The following TRMT2B variants were observed in gnomAD, a reference collection of about 807,000 sequenced individuals.
TRMT2B encodes tRNA (uracil-5-)-methyltransferase homolog B.
TRMT2B carries 34 observed loss-of-function variants against 39.7 expected under a neutral mutation model. The observed-to-expected ratio is 0.86, with a 90% confidence interval of 0.65 to 1.14. TRMT2B has a LOEUF of 1.14. TRMT2B is among the 50% of genes most tolerant of loss of function. The pLI is 0.00. For missense variants in TRMT2B, 318 were observed against 377.2 expected (o/e 0.84, Z 1.30); for synonymous variants, 132 against 137.3 (o/e 0.96, Z 0.27).
At chrX:100,982,223 G>GA in the TRMT2B span, among the ~76,000 whole-genome samples, 1 of 111,236 alleles carries the variant, frequency 9.0e-6, no homozygotes, top group East Asian at 2.8e-4. Context: ...GGGTGTGGTA[G>GA]CTCACGCCTG....
chrX:101,043,331 G>A (rs2088369895), intron 2 of TRMT2B, among the ~76,000 whole-genome samples: 2 of 110,407 alleles, frequency 1.8e-5, no homozygotes, highest in South Asian at 7.6e-4. Flanking sequence ...CAACACTTTG[G>A]GAGGTTGAGG....
the TRMT2B span, chrX:100,988,208 A>G: frequency 8.3e-7 from 1 of 1,207,770 alleles, no homozygotes. Context: ...CCACCAGAAC[A>G]GGAATGTCAA....
At chrX:101,019,444 A>C in intron 11 of TRMT2B, 41 bp from the exon 12 acceptor site, 1 of 1,205,108 alleles carries the variant, frequency 8.3e-7, no homozygotes, top group South Asian at 1.8e-5. Flanking sequence ...CAAGCCCAGC[A>C]GTAAGGGAAA....
chrX:101,030,769 G>A (rs1025046766), intron 7 of TRMT2B, among the ~76,000 whole-genome samples: 9 of 110,027 alleles, frequency 8.2e-5, no homozygotes, highest in Admixed American at 9.9e-5. Flanking sequence ...TTAATGGTGT[G>A]AGATCTGGGC....
In TRMT2B at chrX:101,019,320, T is replaced by C. The variant is rs769701128; in HGVS notation, c.1252A>G (p.Ile418Val). The change falls in exon 12 of 14, where the codon ATT becomes GTT. Residue 418 changes from isoleucine (I) to valine (V), a missense_variant. Coordinates refer to ENST00000372936, the MANE Select transcript of TRMT2B (RefSeq NM_024917.6). ...CGGGCTGGGTTCACCACAGCAACAATTGACTGTCCATCTTCCTTTGACTTT... is the reference window on the plus strand; with the variant it reads ...CGGGCTGGGTTCACCACAGCAACAACTGACTGTCCATCTTCCTTTGACTTT... The part of the protein sequence containing the change: ...LLKSKEDGQS[I>V]VAVVNPARAG... The C allele has an allele frequency of 5.0e-6, 6 of 1,209,805 alleles. No homozygotes were observed. The highest frequency in any genetic ancestry group is 3.0e-5 in the East Asian group (1 of 33,726).
intron 9 of TRMT2B, among the ~76,000 whole-genome samples, chrX:101,021,726 C>T (rs1471635494): frequency 8.9e-6 from 1 of 112,728 alleles, no homozygotes; most frequent in Admixed American, 9.4e-5. Context: ...AGCATCTCAG[C>T]TAGGAGACAC....
chrX:100,974,252 C>G, the TRMT2B span: 1 of 929,498 alleles, frequency 1.1e-6, no homozygotes, highest in Non-Finnish European at 1.5e-6. Flanking sequence ...ACCCCAGAAT[C>G]CAGTGAAATA....
chrX:101,036,444 C>CAAA lies in TRMT2B; in HGVS notation c.538+527_538+529dup, dbSNP rs776144105. ...TGGGTGACAGTGCGAGACTCCATCT[C>CAAA]AAAAAAAAAAAAAAAAAAAAAGCTC... On this transcript the variant is annotated intron_variant, in intron 6 of 13. Coordinates refer to ENST00000372936, the MANE Select transcript of TRMT2B (RefSeq NM_024917.6). Among the ~76,000 whole-genome samples the CAAA allele has an allele frequency of 3.5e-3, 75 of 21,713 alleles. 3 individuals carry two copies. Among genetic ancestry groups the CAAA allele is most frequent in the African/African-American group, 5.0e-3 (31 of 6,212 alleles). The allele number at this position is 21,713 out of a possible 115,157, so 18.9% of individuals were successfully genotyped here.
At chrX:101,051,056 TA>T (rs1436793175) in intron 2 of TRMT2B, among the ~76,000 whole-genome samples, 194 bp downstream of exon 2, 3 of 82,519 alleles carry the variant, frequency 3.6e-5, no homozygotes, top group African/African-American at 1.3e-4. Flanking sequence ...AAATAAAAAA[TA>T]AAAATGCTTG....
intron 13 of TRMT2B, among the ~76,000 whole-genome samples, chrX:101,011,248 G>A (rs2086240114): frequency 9.0e-6 from 1 of 111,403 alleles, no homozygotes; most frequent in East Asian, 2.8e-4. Flanking sequence ...ACACATCTAG[G>A]CTCTATGCTA....
At chrX:101,030,509 G>A (rs1269226485) in intron 7 of TRMT2B, among the ~76,000 whole-genome samples, 2 of 99,221 alleles carry the variant, frequency 2.0e-5, no homozygotes, top group Non-Finnish European at 4.0e-5. Flanking sequence ...GGAGTGCAGT[G>A]GCGCGAACTC....
At chrX:100,977,841 C>CT in the TRMT2B span, among the ~76,000 whole-genome samples, 2 of 112,189 alleles carry the variant, frequency 1.8e-5, no homozygotes, top group Admixed American at 9.4e-5. Flanking sequence ...AGATCTTATT[C>CT]TTTTTTTATG....
rs759354572 is a variant in TRMT2B at position 101,019,062 on chromosome X, C to T, written c.1297G>A (p.Val433Met). The change falls in exon 13 of 14, where the codon GTG becomes ATG. Residue 433 changes from valine (V) to methionine (M), a missense_variant. Transcript: ENST00000372936. ...NPARAGLHYK[V>M]IQAIRNFRAI... Reference sequence around the variant, plus strand: ...CTGAAGTTTCGAATGGCTTGAATCACCTTGTAATCTGAAGGAAGAAACACC... The same window carrying T: ...CTGAAGTTTCGAATGGCTTGAATCATCTTGTAATCTGAAGGAAGAAACACC... The T allele has an allele frequency of 1.7e-5, 20 of 1,193,849 alleles. No individual in the cohort carries two copies. In the Admixed American group the frequency reaches 2.0e-4, roughly 12 times the overall value.
the TRMT2B span, among the ~76,000 whole-genome samples, chrX:100,991,983 A>G: frequency 1.3e-4 from 14 of 111,351 alleles, no homozygotes; most frequent in African/African-American, 3.9e-4. Context: ...ACAGTTTGAC[A>G]GATTGGTAGG....
At chrX:100,992,843 G>A in the TRMT2B span, among the ~76,000 whole-genome samples, 2 of 111,408 alleles carry the variant, frequency 1.8e-5, no homozygotes, top group East Asian at 5.7e-4. Flanking sequence ...ACAGGAGGTG[G>A]CAGAAATGGT....
the TRMT2B span, among the ~76,000 whole-genome samples, chrX:100,993,286 T>C: frequency 8.9e-6 from 1 of 112,114 alleles, no homozygotes; most frequent in Non-Finnish European, 1.9e-5. Context: ...TCAAAAATAC[T>C]GTATCCTCCC....
At chrX:100,980,888 C>T in the TRMT2B span, among the ~76,000 whole-genome samples, 2 of 111,753 alleles carry the variant, frequency 1.8e-5, no homozygotes, top group Non-Finnish European at 1.9e-5. Context: ...GAAATGTCAT[C>T]GGGGAGCCAT....
the TRMT2B span, among the ~76,000 whole-genome samples, chrX:100,977,076 ATGAGATACG>A: frequency 2.0e-4 from 22 of 112,057 alleles, no homozygotes; most frequent in Non-Finnish European, 3.9e-4. Context: ...GTATATATTT[ATGAGATACG>A]TGAGATACGT....
At chrX:101,040,276 A>G (rs990478896) in intron 4 of TRMT2B, among the ~76,000 whole-genome samples, 1 of 91,243 alleles carries the variant, frequency 1.1e-5, no homozygotes, top group African/African-American at 4.1e-5. Flanking sequence ...CCTGGGCAAC[A>G]GAGCCAGACT....
Sources: allele counts gnomAD v4.1 joint callset (sites outside exome capture counted in the v4.1 genomes callset), GRCh38; gene constraint gnomAD v4.1.1; transcripts MANE v1.5; gene names NCBI Gene and HGNC (gene_info 2026-07-23, HGNC 2026-07-21).